CDH3: variants seen among roughly 807,000 people sequenced by gnomAD.
The protein encoded by CDH3 is cadherin 3.
CDH3 carries 54 observed loss-of-function variants against 82.0 expected under a neutral mutation model. The ratio of observed to expected loss-of-function variants is 0.66; its 90% confidence interval spans 0.53 to 0.83. The LOEUF (loss-of-function observed/expected upper bound fraction) is 0.83. Among genes scored for constraint, CDH3 ranks in the 40% least tolerant of loss-of-function variants. The probability of loss-of-function intolerance (pLI) is 0.00; values close to 1 mark genes in which losing one functional copy is unlikely to be tolerated. For synonymous variants in CDH3, 446 were observed against 437.9 expected (o/e 1.02, Z -0.23); for missense variants, 1,054 against 1,084.6 (o/e 0.97, Z 0.40).
chr16:68,650,306 T>C (rs1960201081), intron 2 of CDH3, among the ~76,000 whole-genome samples: 1 of 152,070 alleles, frequency 6.6e-6, no homozygotes, highest in Non-Finnish European at 1.5e-5. Context: ...AAAATATATA[T>C]ATTTTTTCTT....
rs776701469 is a variant in CDH3, at chr16:68,687,625, C to T, written c.1684C>T (p.Arg562Cys). 8.1e-6 allele frequency: 13 copies of T among 1,613,964 alleles called. No homozygotes were observed. Among genetic ancestry groups the T allele is most frequent in the Admixed American group, 3.3e-5 (2 of 59,996 alleles). Residue 562 changes from arginine to cysteine, a missense_variant, in exon 12 of 16, where the codon CGC (arginine) becomes TGC (cysteine). Transcript: ENST00000264012. The part of the protein sequence containing the change: ...QITICNQSPV[R>C]QVLNITDKDL... The stretch of plus-strand genomic sequence containing the variant: ...CACCATCTGCAACCAAAGCCCTGTG[C>T]GCCAGGTGCTGAACATCACGGACAA...
chr16:68,724,112 G>A (rs1167612130), intron 2 of CDH3, among the ~76,000 whole-genome samples: 10 of 149,602 alleles, frequency 6.7e-5, no homozygotes, highest in African/African-American at 9.9e-5. Context: ...GGCGCACACC[G>A]TAATCCCAGC....
intron 12 of CDH3, among the ~76,000 whole-genome samples, chr16:68,689,356 A>G (rs1194869617): frequency 6.6e-6 from 1 of 151,896 alleles, no homozygotes; most frequent in East Asian, 1.9e-4. Context: ...ACATGGTGAA[A>G]CCCTGTCTCT....
chr16:68,690,668 G>A (rs1330752114), intron 12 of CDH3, among the ~76,000 whole-genome samples: 2 of 152,068 alleles, frequency 1.3e-5, no homozygotes, highest in Non-Finnish European at 2.9e-5. Flanking sequence ...CAGCACTCTG[G>A]GAGGCCGAGG....
chr16:68,653,993 AGGCGTGAGTCACTGCTCCCG>A (rs1960328307), intron 2 of CDH3, among the ~76,000 whole-genome samples: 1 of 151,812 alleles, frequency 6.6e-6, no homozygotes, highest in African/African-American at 2.4e-5. Context: ...CAGGGATTAC[AGGCGTGAGTCACTGCTCCCG>A]GCCAAATGTC....
chr16:68,651,861 G>A, intron 2 of CDH3: 1 of 488,838 alleles, frequency 2.0e-6, no homozygotes, highest in Non-Finnish European at 4.1e-6. Context: ...GTGGAGCTCT[G>A]CCTCCTTCTG....
chr16:68,732,795 G>A, the CDH3 span, among the ~76,000 whole-genome samples: 1 of 152,182 alleles, frequency 6.6e-6, no homozygotes, highest in Non-Finnish European at 1.5e-5. Flanking sequence ...TAAAAGCCCT[G>A]GACAGCATTT....
Position 68,711,543 on chromosome 16 carries a change from A to G in CDH3, c.100-10882A>G, listed in dbSNP as rs560641460. On this transcript the variant is annotated intron_variant, in intron 1 of 2. Transcript: ENST00000569080. ...GCTGCACGCAGGGCTGGCTGCGCCC[A>G]TGCCAGGGACGGTATGGTGCCGGTT... Among the ~76,000 whole-genome samples the G allele has an allele frequency of 3.0e-3, 459 of 152,238 alleles. 6 individuals are homozygous for G. Among genetic ancestry groups the G allele is most frequent in the African/African-American group, 0.011 (439 of 41,552 alleles).
Position 68,695,814 on chromosome 16 carries a change from C to G in CDH3, c.2171C>G (p.Ala724Gly). The change falls in exon 15 of 16, where the codon GCC (alanine) becomes GGC (glycine). Residue 724 changes from alanine to glycine, a missense_variant. Transcript: ENST00000264012. ...ACCCAGCTCCACCGAGGTCTGGAGGCCAGGCCGGAGGTGGTTCTCCGCAAT... is the reference window on the plus strand; with the variant it reads ...ACCCAGCTCCACCGAGGTCTGGAGGGCAGGCCGGAGGTGGTTCTCCGCAAT... The part of the protein sequence containing the change: ...DITQLHRGLE[A>G]RPEVVLRNDV... The G allele has an allele frequency of 3.1e-6, 5 of 1,614,092 alleles. No individual in the cohort carries two copies. The highest frequency in any genetic ancestry group is 4.2e-6 in the Non-Finnish European group (5 of 1,179,994).
At chr16:68,729,099 G>A (rs1012602756), downstream of CDH3, among the ~76,000 whole-genome samples, 2 of 152,114 alleles carry the variant, frequency 1.3e-5, no homozygotes, top group Non-Finnish European at 1.5e-5. Context: ...GAGGTCAGGA[G>A]TTCGAGACCA....
At chr16:68,723,476 A>G (rs1429451163) in intron 2 of CDH3, among the ~76,000 whole-genome samples, 1 of 152,180 alleles carries the variant, frequency 6.6e-6, no homozygotes, top group Non-Finnish European at 1.5e-5. Context: ...GAAGCTCAAT[A>G]TCATGGTTCT....
chr16:68,671,162 T>G (rs1318018701), intron 2 of CDH3, among the ~76,000 whole-genome samples: 1 of 151,834 alleles, frequency 6.6e-6, no homozygotes, highest in Non-Finnish European at 1.5e-5. Context: ...GTACTTTTTT[T>G]TTTTTTTTTT....
intron 12 of CDH3, among the ~76,000 whole-genome samples, chr16:68,688,304 TC>T (rs1344594578): frequency 6.6e-6 from 1 of 151,898 alleles, no homozygotes; most frequent in Non-Finnish European, 1.5e-5. Flanking sequence ...AAAAATAATG[TC>T]ATGGCCACAC....
At chr16:68,709,736 C>T (rs1457073480) in intron 1 of CDH3, among the ~76,000 whole-genome samples, 1 of 152,196 alleles carries the variant, frequency 6.6e-6, no homozygotes, top group Admixed American at 6.5e-5. Context: ...TGAGCCACCG[C>T]GCCTGGCCTC....
At chr16:68,661,404 T>C (rs1276721495) in intron 2 of CDH3, among the ~76,000 whole-genome samples, 1 of 152,056 alleles carries the variant, frequency 6.6e-6, no homozygotes, top group Non-Finnish European at 1.5e-5. Flanking sequence ...CATATGGTTA[T>C]GGTGAAGATT....
chr16:68,655,690 C>CAACA (rs993082818), intron 2 of CDH3, among the ~76,000 whole-genome samples: 3 of 151,776 alleles, frequency 2.0e-5, no homozygotes, highest in Non-Finnish European at 4.4e-5. Context: ...CTAACAACAA[C>CAACA]AACAAACAAA....
At chr16:68,713,482 C>G (rs1387428025) in intron 1 of CDH3, among the ~76,000 whole-genome samples, 2 of 151,944 alleles carry the variant, frequency 1.3e-5, no homozygotes, top group Non-Finnish European at 2.9e-5. Context: ...CCCCTCCTCT[C>G]GGTGCCCACC....
At chr16:68,648,950 A>AGT (rs1960161196) in intron 2 of CDH3, among the ~76,000 whole-genome samples, 1 of 151,626 alleles carries the variant, frequency 6.6e-6, no homozygotes. Flanking sequence ...TAAGGGCCCA[A>AGT]GTGAGGGGTC....
rs923247192 is a variant in CDH3, at chr16:68,691,706, T to A, written c.1796-14T>A. The A allele has an allele frequency of 3.1e-6, 5 of 1,606,034 alleles. No homozygotes were observed. In the Admixed American group the frequency reaches 8.3e-5, roughly 27 times the overall value. On this transcript the variant is annotated splice_polypyrimidine_tract_variant and intron_variant, in intron 12 of 15. Transcript: ENST00000264012. The stretch of plus-strand genomic sequence containing the variant: ...GATGGTTCCCACAGCTAATCAATGA[T>A]CTGTTCACTCCAGGTGACACAGTGG...
Sources: allele counts gnomAD v4.1 joint callset (sites outside exome capture counted in the v4.1 genomes callset), GRCh38; gene constraint gnomAD v4.1.1; transcripts MANE v1.5; gene names NCBI Gene and HGNC (gene_info 2026-07-23, HGNC 2026-07-21).